FREM2: variants seen among roughly 807,000 people sequenced by gnomAD.
The protein encoded by FREM2 is FRAS1 related extracellular matrix 2.
A neutral mutation model predicts 219.9 loss-of-function variants in FREM2; 119 were observed. The ratio of observed to expected loss-of-function variants is 0.54; its 90% confidence interval spans 0.47 to 0.63. The LOEUF (loss-of-function observed/expected upper bound fraction) is 0.63. Among genes scored for constraint, FREM2 ranks in the 30% least tolerant of loss-of-function variants. The pLI is 0.00. For synonymous variants in FREM2, 1,562 were observed against 1,522.8 expected (o/e 1.03, Z -0.60); for missense variants, 4,030 against 3,993.6 (o/e 1.01, Z -0.25).
intron 2 of FREM2, among the ~76,000 whole-genome samples, chr13:38,753,955 CTTTTTATTTTATTTTAT>C (rs1358074359): frequency 3.2e-5 from 4 of 126,062 alleles, no homozygotes; most frequent in Admixed American, 8.1e-5. Flanking sequence ...TTAACACATT[CTTTTTATTTTATTTTAT>C]TTTTTATTTT....
rs371467626 is a variant in FREM2 at position 38,773,573 on chromosome 13, G to A, written c.5641+3765G>A. Among the ~76,000 whole-genome samples the A allele has an allele frequency of 3.3e-5, 5 of 152,064 alleles. No individual in the cohort carries two copies. In the East Asian group the frequency reaches 5.8e-4, roughly 18 times the overall value. On this transcript the variant is annotated intron_variant, in intron 4 of 23. Coordinates refer to ENST00000280481, the MANE Select transcript of FREM2 (RefSeq NM_207361.6). ...GCCCAGATAAGTGTTTCCTTGTTTC[G>A]TTGTGTTTGTTTGTTTTTTTGATTG... is the stretch of plus-strand genomic sequence containing the variant.
At chr13:38,749,691 C>A (rs1872649674) in intron 2 of FREM2, among the ~76,000 whole-genome samples, 1 of 152,072 alleles carries the variant, frequency 6.6e-6, no homozygotes, top group Admixed American at 6.6e-5. Flanking sequence ...TTCACCCCCT[C>A]CCCAACTTGT....
chr13:38,688,013 C>G lies in FREM2; in HGVS notation c.669C>G (p.Gly223=). ...TEECRVGILS[G]LGALPRYGEL... is the part of the protein sequence containing the mutation. ...AGTGCCGCGTGGGCATCCTGTCCGG[C>G]TTGGGCGCGCTGCCTCGCTATGGAG... Residue 223 remains glycine, a synonymous_variant, in exon 1 of 24, where the codon GGC becomes GGG. Coordinates refer to ENST00000280481, the MANE Select transcript of FREM2 (RefSeq NM_207361.6). 2 of 1,611,706 alleles carry G rather than the reference C, an allele frequency of 1.2e-6. No individual in the cohort carries two copies. Among genetic ancestry groups the G allele is most frequent in the Non-Finnish European group, 1.7e-6 (2 of 1,178,424 alleles).
Position 38,688,134 on chromosome 13 carries a change from G to T in FREM2, c.790G>T (p.Val264Leu), listed in dbSNP as rs781735102. 1.2e-6 allele frequency: 2 copies of T among 1,613,292 alleles called. No homozygotes were observed. The highest frequency in any genetic ancestry group is 1.1e-5 in the South Asian group (1 of 91,080). The change falls in exon 1 of 24, where the codon GTG becomes TTG. Residue 264 changes from valine (V) to leucine (L), a missense_variant. Coordinates refer to ENST00000280481, the MANE Select transcript of FREM2 (RefSeq NM_207361.6). ...CTGCAAAGCTTTCCAGGAACTAGGC[G>T]TGCGCTATCGCCACACAGCCGCCAG... ...MDCKAFQELG[V>L]RYRHTAASRS...
intron 2 of FREM2, among the ~76,000 whole-genome samples, chr13:38,721,927 G>C (rs1278482478): frequency 6.6e-6 from 1 of 152,108 alleles, no homozygotes; most frequent in Non-Finnish European, 1.5e-5. Context: ...TATCAGCTCT[G>C]GTCAGATATC....
rs73459885 is a variant in FREM2, at chr13:38,727,698, G to A, written c.5263+29911G>A. Among the ~76,000 whole-genome samples, 859 of 152,310 alleles carry A rather than the reference G, an allele frequency of 5.6e-3. 12 individuals carry two copies. Among genetic ancestry groups the A allele is most frequent in the African/African-American group, 0.02 (820 of 41,562 alleles). On this transcript the variant is annotated intron_variant, in intron 2 of 23. Coordinates refer to ENST00000280481, the MANE Select transcript of FREM2 (RefSeq NM_207361.6). ...AATGTGCACCAAGTACATTACAATG[G>A]TAGCAAGTATCTACGCAGTAAGTGT...
At chr13:38,861,363 C>G in intron 14 of FREM2, 68 bp from the exon 15 acceptor site, 2 of 1,528,900 alleles carry the variant, frequency 1.3e-6, no homozygotes, top group Non-Finnish European at 1.8e-6. Context: ...CTCCTATTTT[C>G]TAAAACATTC....
chr13:38,875,956 TA>T, intron 18 of FREM2, 65 bp from the exon 19 acceptor site: 2 of 1,418,396 alleles, frequency 1.4e-6, no homozygotes, highest in Non-Finnish European at 2.0e-6. Flanking sequence ...TTGAAAACTC[TA>T]AACTGTTATG....
intron 6 of FREM2, among the ~76,000 whole-genome samples, chr13:38,821,087 G>A (rs1186590239): frequency 6.6e-6 from 1 of 152,098 alleles, no homozygotes; most frequent in East Asian, 1.9e-4. Context: ...TGTCTCATTA[G>A]GAGTCCTTAT....
rs751385106 is a variant in FREM2, at chr13:38,689,333, T to C, written c.1989T>C (p.Pro663=). The C allele has an allele frequency of 6.2e-7, 1 of 1,613,968 alleles. No homozygotes were observed. ...LFYRHSGPHS[P]GPVTDQFTFR... is the part of the protein sequence containing the mutation. ...ATAGACACTCTGGGCCCCATAGTCC[T>C]GGGCCAGTCACAGACCAGTTCACAT... Residue 663 remains proline (P), a synonymous_variant, in exon 1 of 24, where the codon CCT becomes CCC. Transcript: ENST00000280481.
At chr13:38,693,742 G>A (rs1247396498) in intron 1 of FREM2, among the ~76,000 whole-genome samples, 7 of 152,192 alleles carry the variant, frequency 4.6e-5, no homozygotes, top group Non-Finnish European at 1.0e-4. Flanking sequence ...AAACATGGAA[G>A]TAGCAAAATG....
chr13:38,765,367 G>C (rs1164085114), intron 3 of FREM2, among the ~76,000 whole-genome samples: 1 of 152,150 alleles, frequency 6.6e-6, no homozygotes, highest in Admixed American at 6.5e-5. Flanking sequence ...ATATTTTATA[G>C]ACATCTAGAC....
chr13:38,835,778 T>G (rs779854498), intron 6 of FREM2, among the ~76,000 whole-genome samples: 1 of 152,244 alleles, frequency 6.6e-6, no homozygotes, highest in Non-Finnish European at 1.5e-5. Context: ...ATGCTTGTGA[T>G]TTTTGCACAT....
At chr13:38,728,530 A>G (rs1871624639) in intron 2 of FREM2, among the ~76,000 whole-genome samples, 1 of 151,624 alleles carries the variant, frequency 6.6e-6, no homozygotes, top group Non-Finnish European at 1.5e-5. Context: ...CTCAGCCACC[A>G]GAGTAGCTGG....
At chr13:38,736,761 G>T (rs1025331280) in intron 2 of FREM2, among the ~76,000 whole-genome samples, 32 of 152,116 alleles carry the variant, frequency 2.1e-4, no homozygotes, top group Admixed American at 5.9e-4. Flanking sequence ...TTATATTGAT[G>T]CTAAAAAGTA....
At chr13:38,863,250 A>G (rs902595260) in intron 15 of FREM2, among the ~76,000 whole-genome samples, 3 of 152,086 alleles carry the variant, frequency 2.0e-5, no homozygotes, top group African/African-American at 7.2e-5. Context: ...GGGTTTCGCC[A>G]TGTTGGTCAG....
chr13:38,769,990 G>A (rs533740313), intron 4 of FREM2, among the ~76,000 whole-genome samples, 182 bp downstream of exon 4: 21 of 149,950 alleles, frequency 1.4e-4, no homozygotes, highest in African/African-American at 5.1e-4. Flanking sequence ...AAAAAGTAAC[G>A]AAAGAATGCT....
At chr13:38,813,963 C>A (rs565638769) in intron 6 of FREM2, among the ~76,000 whole-genome samples, 1 of 152,062 alleles carries the variant, frequency 6.6e-6, no homozygotes, top group South Asian at 2.1e-4. Flanking sequence ...CCTGCTTGAT[C>A]GATTCCAATA....
intron 1 of FREM2, among the ~76,000 whole-genome samples, chr13:38,694,029 C>T (rs1395139940): frequency 6.6e-6 from 1 of 152,202 alleles, no homozygotes; most frequent in African/African-American, 2.4e-5. Context: ...CTTCAAATTA[C>T]TCCTCTGACC....
Sources: allele counts gnomAD v4.1 joint callset (sites outside exome capture counted in the v4.1 genomes callset), GRCh38; gene constraint gnomAD v4.1.1; transcripts MANE v1.5; gene names NCBI Gene and HGNC (gene_info 2026-07-23, HGNC 2026-07-21).